Variants in DIP2C observed in about 807,000 individuals in gnomAD.
DIP2C encodes disco-interacting protein 2 homolog C.
Under a neutral mutation model 192.4 loss-of-function variants are expected in DIP2C, and 33 were observed. The ratio of observed to expected loss-of-function variants is 0.17; its 90% CI spans 0.13 to 0.23. The LOEUF is 0.23. Ranked by LOEUF, DIP2C falls within the 10% of genes least tolerant of loss-of-function variation. The probability of loss-of-function intolerance (pLI) is 1.00; values close to 1 mark genes in which losing one functional copy is unlikely to be tolerated. For synonymous variants in DIP2C, 979 were observed against 864.1 expected (o/e 1.13, Z -2.33); for missense variants, 1,537 against 2,110.1 (o/e 0.73, Z 5.32).
chr10:557,330 G>A (rs1251866990), intron 1 of DIP2C, among the ~76,000 whole-genome samples: 2 of 152,150 alleles, frequency 1.3e-5, no homozygotes, highest in Non-Finnish European at 2.9e-5. Context: ...GGGGGACAGG[G>A]CCAGAACCAC....
chr10:552,421 CAG>C (rs1049695961), intron 1 of DIP2C, among the ~76,000 whole-genome samples: 12 of 152,170 alleles, frequency 7.9e-5, no homozygotes, highest in African/African-American at 1.7e-4. Context: ...GCTTTGGAAA[CAG>C]AGAGGGAAAT....
chr10:635,999 T>G (rs1237403521), intron 1 of DIP2C, among the ~76,000 whole-genome samples: 1 of 152,206 alleles, frequency 6.6e-6, no homozygotes, highest in African/African-American at 2.4e-5. Flanking sequence ...CCACAGATGC[T>G]GAGGCAGGCA....
chr10:471,286 A>C (rs572272211), intron 3 of DIP2C, among the ~76,000 whole-genome samples: 1 of 152,130 alleles, frequency 6.6e-6, no homozygotes, highest in Non-Finnish European at 1.5e-5. Context: ...CTCTCCAGAA[A>C]GAGGAGCAGA....
intron 1 of DIP2C, among the ~76,000 whole-genome samples, chr10:488,982 C>T (rs917048994): frequency 1.3e-5 from 2 of 152,130 alleles, no homozygotes; most frequent in Non-Finnish European, 2.9e-5. Context: ...CCTGGGCAGA[C>T]GCGGGGTGAT....
chr10:361,990 A>T (rs186523315), intron 22 of DIP2C, among the ~76,000 whole-genome samples: 1 of 152,126 alleles, frequency 6.6e-6, no homozygotes, highest in Admixed American at 6.5e-5. Flanking sequence ...GACCATGAGA[A>T]CAGCCGTGTG....
chr10:349,836 CA>C (rs2132635908), intron 24 of DIP2C, among the ~76,000 whole-genome samples: 1 of 152,296 alleles, frequency 6.6e-6, no homozygotes, highest in South Asian at 2.1e-4. Flanking sequence ...AGTACACCTG[CA>C]CATCGGAAGA....
At chr10:669,317 G>A (rs549869964) in intron 1 of DIP2C, 6 of 152,420 alleles carry the variant, frequency 3.9e-5, no homozygotes, top group South Asian at 2.1e-4. Context: ...ACAGAAGCAA[G>A]GGGGTGCGGG....
intron 1 of DIP2C, among the ~76,000 whole-genome samples, chr10:639,238 ACGCGTCAGGTCGGGGGG>A: frequency 7.4e-6 from 1 of 135,974 alleles, no homozygotes; most frequent in Admixed American, 7.6e-5. Context: ...ACACATGGGG[ACGCGTCAGGTCGGGGGG>A]TGCTGCCCGG....
intron 1 of DIP2C, among the ~76,000 whole-genome samples, chr10:684,717 C>G (rs1353689821): frequency 6.6e-6 from 1 of 152,152 alleles, no homozygotes; most frequent in African/African-American, 2.4e-5. Flanking sequence ...GAAAAAGCCA[C>G]CCCCAAAACC....
At chr10:328,939 A>G (rs1278290176) in intron 30 of DIP2C, among the ~76,000 whole-genome samples, 1 of 152,236 alleles carries the variant, frequency 6.6e-6, no homozygotes, top group Non-Finnish European at 1.5e-5. Flanking sequence ...TTATTCTTAC[A>G]TAATAGCAAT....
At chr10:515,135 A>G (rs1008538876) in intron 1 of DIP2C, among the ~76,000 whole-genome samples, 8 of 152,148 alleles carry the variant, frequency 5.3e-5, no homozygotes, top group Non-Finnish European at 8.8e-5. Context: ...TGCCTCAGGG[A>G]AAAAAATGTC....
At chr10:367,565 A>G (rs1376035840) in intron 18 of DIP2C, among the ~76,000 whole-genome samples, 3 of 152,202 alleles carry the variant, frequency 2.0e-5, no homozygotes, top group Non-Finnish European at 2.9e-5. Flanking sequence ...CAGCTTCACA[A>G]CCTTCGAAAA....
chr10:380,618 A>G lies in DIP2C; in HGVS notation c.1991+2029T>C, dbSNP rs574034182. ...CTGCAACAAAACAGGGGAATGTAGCAGCCGAACACTTGTCTTTCTTCTTTA... is the reference window on the plus strand; with the variant it reads ...CTGCAACAAAACAGGGGAATGTAGCGGCCGAACACTTGTCTTTCTTCTTTA... On this transcript the variant is annotated intron_variant, in intron 17 of 36. Coordinates refer to ENST00000280886, the MANE Select transcript of DIP2C (RefSeq NM_014974.3). Among the ~76,000 whole-genome samples the G allele has an allele frequency of 2.0e-5, 3 of 152,382 alleles. No homozygotes were observed. In the East Asian group the frequency reaches 5.8e-4, roughly 29 times the overall value.
intron 29 of DIP2C, among the ~76,000 whole-genome samples, chr10:330,345 G>A (rs1048462841): frequency 4.4e-5 from 3 of 67,472 alleles, no homozygotes; most frequent in African/African-American, 1.6e-4. Context: ...ATGAAAAAGT[G>A]ATAGATTACA....
rs370326888 is a variant in DIP2C at position 418,280 on chromosome 10, A to C, written c.739+785T>G. ...TGCACCTGTCAGGCCTCAGATAGGCATCCCCGTCCACCTGTCGGAGCTCGG... is the reference window on the plus strand; with the variant it reads ...TGCACCTGTCAGGCCTCAGATAGGCCTCCCCGTCCACCTGTCGGAGCTCGG... On this transcript the variant is annotated intron_variant, in intron 6 of 36. Coordinates refer to ENST00000280886, the MANE Select transcript of DIP2C (RefSeq NM_014974.3). Among the ~76,000 whole-genome samples the C allele has an allele frequency of 6.5e-3, 784 of 121,454 alleles. 21 individuals are homozygous for C. The highest frequency in any genetic ancestry group is 0.027 in the Middle Eastern group (5 of 182). 79.7% of individuals were successfully genotyped at this position (121,454 alleles called of 152,430 possible).
chr10:486,328 C>T, intron 2 of DIP2C, 131 bp downstream of exon 2: 1 of 767,638 alleles, frequency 1.3e-6, no homozygotes, highest in Non-Finnish European at 2.1e-6. Flanking sequence ...AACTGAATGC[C>T]TGGAGGGTGA....
At chr10:591,704 A>C (rs1436320981) in intron 1 of DIP2C, among the ~76,000 whole-genome samples, 1 of 152,172 alleles carries the variant, frequency 6.6e-6, no homozygotes, top group Non-Finnish European at 1.5e-5. Flanking sequence ...CCAGCTAGGG[A>C]CATGAAGGCA....
At chr10:482,709 ACT>A (rs1843695610) in intron 2 of DIP2C, among the ~76,000 whole-genome samples, 1 of 152,026 alleles carries the variant, frequency 6.6e-6, no homozygotes, top group Non-Finnish European at 1.5e-5. Context: ...CTGAAATTTT[ACT>A]CTCTAAATCT....
At chr10:444,730 C>T (rs1043523570) in intron 3 of DIP2C, among the ~76,000 whole-genome samples, 35 of 152,234 alleles carry the variant, frequency 2.3e-4, no homozygotes, top group African/African-American at 7.7e-4. Context: ...GCTCCTGGAA[C>T]TCATCGCCGT....
Sources: gnomAD v4.1 joint callset for allele counts (sites outside exome capture counted in the v4.1 genomes callset) on GRCh38, gnomAD v4.1.1 for gene constraint, MANE v1.5 for transcripts, NCBI Gene and HGNC (gene_info 2026-07-23, HGNC 2026-07-21) for gene names.